Variants in LRRC74B observed in about 807,000 individuals in gnomAD.
The protein encoded by LRRC74B is leucine-rich repeat-containing protein 74B.
A neutral mutation model predicts 16.6 loss-of-function variants in LRRC74B; 30 were observed. The ratio of observed to expected loss-of-function variants is 1.80; its 90% CI spans 1.35 to 2.45. The LOEUF is 2.45. Ranked by LOEUF, LRRC74B falls within the 30% of genes most tolerant of loss-of-function variation. The pLI is 0.00. For synonymous variants in LRRC74B, 134 were observed against 86.0 expected (o/e 1.56, Z -3.09); for missense variants, 326 against 202.4 (o/e 1.61, Z -3.71).
intron 1 of LRRC74B, among the ~76,000 whole-genome samples, chr22:21,046,651 G>A (rs1929462032): frequency 6.6e-6 from 1 of 151,760 alleles, no homozygotes; most frequent in South Asian, 2.1e-4. Context: ...TTATTTATTA[G>A]AGCCAGGGTC....
chr22:21,055,030 G>A, intron 6 of LRRC74B, 68 bp from the exon 7 acceptor site: 1 of 700,780 alleles, frequency 1.4e-6, no homozygotes, highest in Non-Finnish European at 2.6e-6. Flanking sequence ...TGGGCACCCT[G>A]GGGCAGTGGG....
chr22:21,047,339 C>T lies in LRRC74B; in HGVS notation c.140-17C>T. On this transcript the variant is annotated splice_polypyrimidine_tract_variant and intron_variant, in intron 1 of 8. Coordinates refer to ENST00000442047, the Ensembl canonical transcript of LRRC74B. ...TAGCTGTGCAGGGTCCACATTCGTC[C>T]CCCTGTCTCCTGCCAGGCACCGATG... is the stretch of plus-strand genomic sequence containing the variant. 1.4e-6 allele frequency: 1 copy of T among 716,338 alleles called. No homozygotes were observed. The highest frequency in any genetic ancestry group is 2.6e-6 in the Non-Finnish European group (1 of 384,512). 44.4% of individuals were successfully genotyped at this position (716,338 alleles called of 1,614,324 possible).
At position 21,050,821 on chromosome 22, in the gene LRRC74B, T is replaced by G. The variant is rs77114103; in HGVS notation, c.623-1428T>G. ...AAAAAAGTGAGACTTGGCAAGGCACTGTGCCTATCTGTAATGCCAACACCA... is the reference window on the plus strand; with the variant it reads ...AAAAAAGTGAGACTTGGCAAGGCACGGTGCCTATCTGTAATGCCAACACCA... On this transcript the variant is annotated intron_variant, in intron 4 of 8. Coordinates refer to ENST00000442047, the Ensembl canonical transcript of LRRC74B. Among the ~76,000 whole-genome samples, 3,706 of 148,438 alleles carry G rather than the reference T, an allele frequency of 0.025. 323 individuals carry two copies. In the East Asian group the frequency reaches 0.29, roughly 12 times the overall value.
chr22:21,050,646 C>T (rs913078554), intron 4 of LRRC74B, among the ~76,000 whole-genome samples: 1 of 151,860 alleles, frequency 6.6e-6, no homozygotes, highest in South Asian at 2.1e-4. Flanking sequence ...AGTGTGGTGG[C>T]AGGCGCCTGT....
intron 8 of LRRC74B, 100 bp from the exon 9 acceptor site, chr22:21,060,273 T>C (rs4051932): frequency 0.011 from 6,519 of 618,746 alleles, 265 homozygotes; most frequent in African/African-American, 0.097. Flanking sequence ...GGGGAGAAGC[T>C]GCCCGAAGGA....
chr22:21,047,871 C>G lies in LRRC74B; in HGVS notation c.283-13C>G. 1 of 717,076 alleles carries G rather than the reference C, an allele frequency of 1.4e-6. No individual in the cohort carries two copies. The allele number at this position is 717,076 out of a possible 1,614,324, so 44.4% of individuals were successfully genotyped here. On this transcript the variant is annotated splice_polypyrimidine_tract_variant and intron_variant, in intron 2 of 8. Coordinates refer to ENST00000442047, the Ensembl canonical transcript of LRRC74B. ...CAGGATAGTGGCCAGTGTGTTTGCT[C>G]TGTCTGTCCCAGGGCGCCCGGGCTC...
chr22:21,057,754 A>AATACAG, intron 8 of LRRC74B, among the ~76,000 whole-genome samples: 1 of 141,166 alleles, frequency 7.1e-6, no homozygotes, highest in African/African-American at 2.7e-5. Flanking sequence ...AGCAGCTGGA[A>AATACAG]GTACAGGTAC....
chr22:21,048,169 G>A, intron 3 of LRRC74B, 153 bp downstream of exon 3: 1 of 644,380 alleles, frequency 1.6e-6, no homozygotes, highest in South Asian at 1.7e-5. Flanking sequence ...GGCATGTGGG[G>A]TGGAGTTAGA....
intron 8 of LRRC74B, among the ~76,000 whole-genome samples, chr22:21,059,771 G>A (rs1930720968): frequency 1.3e-5 from 2 of 152,012 alleles, no homozygotes; most frequent in South Asian, 4.2e-4. Flanking sequence ...GTGAAATGGG[G>A]CTAACGTCTA....
intron 4 of LRRC74B, chr22:21,049,509 C>T (rs760384352): frequency 3.3e-4 from 70 of 211,414 alleles, no homozygotes; most frequent in South Asian, 8.0e-4. Flanking sequence ...TAGAGAAGAA[C>T]AGGGACCCCC....
chr22:21,059,512 G>C (rs1485777725), intron 8 of LRRC74B, among the ~76,000 whole-genome samples: 1 of 152,190 alleles, frequency 6.6e-6, no homozygotes, highest in Non-Finnish European at 1.5e-5. Context: ...AGTGAGCCGA[G>C]ACCATGCCAA....
At chr22:21,056,095 G>A (rs970150566) in intron 7 of LRRC74B, among the ~76,000 whole-genome samples, 14 of 152,168 alleles carry the variant, frequency 9.2e-5, no homozygotes, top group African/African-American at 3.4e-4. Context: ...GAACTTGCGG[G>A]ATTCCTGGCT....
rs1601806838 is a variant in LRRC74B, at chr22:21,048,610, A to G, written c.416-341A>G. 2.6e-5 allele frequency: 9 copies of G among 343,592 alleles called. No individual in the cohort carries two copies. In the East Asian group the frequency reaches 5.9e-4, roughly 22 times the overall value. 21.3% of individuals were successfully genotyped at this position (343,592 alleles called of 1,614,324 possible). A position where few individuals can be genotyped will look rare whatever the true frequency, so the allele number is the denominator to read the frequency against. On this transcript the variant is annotated intron_variant, in intron 3 of 8. Coordinates refer to ENST00000442047, the Ensembl canonical transcript of LRRC74B. The stretch of plus-strand genomic sequence containing the variant: ...ATGGCCACTTGGGCTATTATTGCCA[A>G]TCCTGGCAACGGGGCTGTGAGGGCT...
intron 1 of LRRC74B, among the ~76,000 whole-genome samples, chr22:21,046,687 C>T (rs559093147): frequency 6.6e-6 from 1 of 152,106 alleles, no homozygotes; most frequent in African/African-American, 2.4e-5. Context: ...GGCGTCAGTG[C>T]AGTGGCAGGA....
At chr22:21,052,170 G>T in intron 4 of LRRC74B, 79 bp from the exon 5 acceptor site, 1 of 700,988 alleles carries the variant, frequency 1.4e-6, no homozygotes, top group Non-Finnish European at 2.7e-6. Context: ...GCAGAGGCTC[G>T]GCACGCAGTG....
At chr22:21,049,772 G>A (rs943124342) in intron 4 of LRRC74B, among the ~76,000 whole-genome samples, 1 of 152,130 alleles carries the variant, frequency 6.6e-6, no homozygotes, top group Non-Finnish European at 1.5e-5. Context: ...CAAAAACGGT[G>A]AAGATTTTGT....
chr22:21,058,398 C>T (rs867273621), intron 8 of LRRC74B, among the ~76,000 whole-genome samples: 21 of 151,926 alleles, frequency 1.4e-4, no homozygotes, highest in Admixed American at 2.6e-4. Flanking sequence ...CCCGTAGTTT[C>T]GGGTACTCAG....
chr22:21,054,295 G>A (rs916756928), intron 6 of LRRC74B, among the ~76,000 whole-genome samples: 6 of 152,224 alleles, frequency 3.9e-5, no homozygotes, highest in African/African-American at 1.2e-4. Flanking sequence ...CGAGTAAAAC[G>A]AGCCTAGTCT....
intron 4 of LRRC74B, among the ~76,000 whole-genome samples, chr22:21,050,126 T>C (rs564709724): frequency 5.9e-5 from 9 of 152,178 alleles, no homozygotes; most frequent in African/African-American, 1.9e-4. Flanking sequence ...AGCCTCTGCC[T>C]CCCAGGTCCA....
Sources: allele counts gnomAD v4.1 joint callset (sites outside exome capture counted in the v4.1 genomes callset), GRCh38; gene constraint gnomAD v4.1.1; transcripts MANE v1.5; gene names NCBI Gene and HGNC (gene_info 2026-07-23, HGNC 2026-07-21).